The following CYYR1 variants were observed in gnomAD, a reference collection of about 807,000 sequenced individuals.
CYYR1 encodes the protein cysteine and tyrosine rich 1.
In CYYR1, 14 loss-of-function variants were observed where a neutral mutation model predicts 15.2. The ratio of observed to expected loss-of-function variants is 0.92; its 90% CI spans 0.61 to 1.44. The LOEUF is 1.44. CYYR1 is among the 40% of genes most tolerant of loss of function. CYYR1 has a pLI of 0.00. For missense variants in CYYR1, 228 were observed against 209.5 expected, an observed-to-expected ratio of 1.09 and a Z score of -0.54; for synonymous variants, 80 against 77.4, an observed-to-expected ratio of 1.03 and a Z score of -0.18.
chr21:26,487,981 T>C (rs2065273924), intron 2 of CYYR1, among the ~76,000 whole-genome samples: 1 of 151,890 alleles, frequency 6.6e-6, no homozygotes, highest in African/African-American at 2.4e-5. Flanking sequence ...TGCTTTTTTT[T>C]TTTCTTTCAT....
rs7283523 is a variant in CYYR1, at chr21:26,469,150, T to C, written c.335-516A>G. On this transcript the variant is annotated intron_variant, in intron 3 of 3. Transcript: ENST00000652641. The stretch of plus-strand genomic sequence containing the variant: ...TAAAAGAAAAGCTGCAACAATGTAA[T>C]GGCATATGTGAGGGATGATAAGGGA... Among the ~76,000 whole-genome samples the C allele has an allele frequency of 8.7e-3, 1,318 of 152,234 alleles. 21 individuals are homozygous for C. The highest frequency in any genetic ancestry group is 0.03 in the African/African-American group (1,242 of 41,532).
chr21:26,497,257 C>T (rs1310966944), intron 2 of CYYR1, among the ~76,000 whole-genome samples: 7 of 152,102 alleles, frequency 4.6e-5, no homozygotes, highest in Non-Finnish European at 1.0e-4. Flanking sequence ...CAGGGAACAA[C>T]ATCAATAACT....
chr21:26,543,238 GC>G (rs1385995271), intron 2 of CYYR1, among the ~76,000 whole-genome samples: 1 of 152,102 alleles, frequency 6.6e-6, no homozygotes, highest in Non-Finnish European at 1.5e-5. Context: ...TGCACGCCGG[GC>G]TTAATACCTA....
At chr21:26,498,485 A>C (rs2065436815) in intron 2 of CYYR1, among the ~76,000 whole-genome samples, 1 of 152,170 alleles carries the variant, frequency 6.6e-6, no homozygotes, top group Non-Finnish European at 1.5e-5. Flanking sequence ...TCAATACAGC[A>C]AGTCTGTATT....
chr21:26,520,115 T>G lies in CYYR1; in HGVS notation c.177-39686A>C, dbSNP rs1254780098. On this transcript the variant is annotated intron_variant, in intron 2 of 3. Coordinates refer to ENST00000652641, the MANE Select transcript of CYYR1 (RefSeq NM_001320768.2). ...TTCTTCTAAAAAAAAACCCAGGAGATATATATATATATATATATATATATA... is the reference window on the plus strand; with the variant it reads ...TTCTTCTAAAAAAAAACCCAGGAGAGATATATATATATATATATATATATA... 3.0e-4 allele frequency among the ~76,000 whole-genome samples: 12 copies of G among 40,490 alleles called. 1 individual carries two copies. Among genetic ancestry groups the G allele is most frequent in the East Asian group, 1.7e-3 (5 of 2,868 alleles). The allele number at this position is 40,490 out of a possible 152,430, so 26.6% of individuals were successfully genotyped here. A position where few individuals can be genotyped will look rare whatever the true frequency, so the allele number is the denominator to read the frequency against.
At chr21:26,523,176 C>A (rs1305920516) in intron 2 of CYYR1, among the ~76,000 whole-genome samples, 2 of 152,158 alleles carry the variant, frequency 1.3e-5, no homozygotes, top group Non-Finnish European at 2.9e-5. Flanking sequence ...GGCCTCTTTT[C>A]TAGAAGTTAT....
intron 2 of CYYR1, among the ~76,000 whole-genome samples, chr21:26,548,726 T>C (rs201692476): frequency 6.6e-6 from 1 of 152,214 alleles, no homozygotes; most frequent in Admixed American, 6.5e-5. Context: ...TTAATAATAA[T>C]GTAGATTTTC....
At chr21:26,559,505 G>T (rs1980050458) in intron 2 of CYYR1, among the ~76,000 whole-genome samples, 1 of 151,832 alleles carries the variant, frequency 6.6e-6, no homozygotes, top group African/African-American at 2.4e-5. Flanking sequence ...TTTCTTTTGT[G>T]TTTTTTAATC....
intron 3 of CYYR1, among the ~76,000 whole-genome samples, chr21:26,472,589 T>G (rs1401149484): frequency 1.3e-5 from 2 of 152,124 alleles, no homozygotes; most frequent in African/African-American, 2.4e-5. Context: ...TTGTTATTCA[T>G]ATTGAGTGAA....
intron 1 of CYYR1, chr21:26,568,744 T>A (rs754299360): frequency 4.6e-5 from 7 of 152,182 alleles, no homozygotes; most frequent in Non-Finnish European, 7.4e-5. Flanking sequence ...ATAAGGAGGT[T>A]AAATAATTGA....
At chr21:26,564,795 A>G in intron 2 of CYYR1, 1 of 1,249,400 alleles carries the variant, frequency 8.0e-7, no homozygotes, top group Non-Finnish European at 1.0e-6. Context: ...TCTCCAAGTT[A>G]TACTCGCACC....
intron 2 of CYYR1, among the ~76,000 whole-genome samples, chr21:26,517,463 C>A (rs1465470987): frequency 6.6e-6 from 1 of 152,118 alleles, no homozygotes; most frequent in African/African-American, 2.4e-5. Context: ...ATAATTCCTC[C>A]TTTTTCTTCT....
intron 2 of CYYR1, among the ~76,000 whole-genome samples, chr21:26,489,031 A>AACAAAT (rs2065291018): frequency 6.6e-6 from 1 of 152,164 alleles, no homozygotes; most frequent in Non-Finnish European, 1.5e-5. Context: ...TTTAAACAAA[A>AACAAAT]GCAAATATTT....
chr21:26,480,917 T>G (rs1478404639), intron 2 of CYYR1, among the ~76,000 whole-genome samples: 1 of 152,170 alleles, frequency 6.6e-6, no homozygotes, highest in African/African-American at 2.4e-5. Context: ...TATTTGTTTC[T>G]TAATAAAAGA....
chr21:26,518,895 A>G (rs777686247), intron 2 of CYYR1, among the ~76,000 whole-genome samples: 1 of 152,174 alleles, frequency 6.6e-6, no homozygotes, highest in East Asian at 1.9e-4. Context: ...TTGGAGTATC[A>G]CTGGAATCCG....
At chr21:26,490,073 G>A (rs956602462) in intron 2 of CYYR1, among the ~76,000 whole-genome samples, 3 of 152,046 alleles carry the variant, frequency 2.0e-5, no homozygotes, top group Non-Finnish European at 2.9e-5. Flanking sequence ...GGAGGCTGAG[G>A]AGTGCTGATC....
At chr21:26,490,591 T>A (rs1464595252) in intron 2 of CYYR1, among the ~76,000 whole-genome samples, 1 of 152,220 alleles carries the variant, frequency 6.6e-6, no homozygotes, top group African/African-American at 2.4e-5. Context: ...TAATGCTATT[T>A]CTTGGTTACA....
chr21:26,495,423 A>G (rs759242041), intron 2 of CYYR1, among the ~76,000 whole-genome samples: 1 of 152,212 alleles, frequency 6.6e-6, no homozygotes, highest in Non-Finnish European at 1.5e-5. Context: ...ACTTTTCCCA[A>G]CAGACTTAAA....
chr21:26,553,880 A>G (rs1979576988), intron 2 of CYYR1, among the ~76,000 whole-genome samples: 1 of 152,212 alleles, frequency 6.6e-6, no homozygotes, highest in Admixed American at 6.5e-5. Flanking sequence ...AACAGGCTGA[A>G]TAAAAAGAAA....
Sources: gnomAD v4.1 joint callset for allele counts (sites outside exome capture counted in the v4.1 genomes callset) on GRCh38, gnomAD v4.1.1 for gene constraint, MANE v1.5 for transcripts, NCBI Gene and HGNC (gene_info 2026-07-23, HGNC 2026-07-21) for gene names.